The following LIN9 variants were observed in gnomAD, a reference collection of about 807,000 sequenced individuals.
LIN9 encodes the protein protein lin-9 homolog.
A neutral mutation model predicts 78.0 loss-of-function variants in LIN9; 18 were observed. The ratio of observed to expected loss-of-function variants is 0.23; its 90% CI spans 0.16 to 0.34. LIN9 has a LOEUF of 0.34. Ranked by LOEUF, LIN9 falls within the 10% of genes least tolerant of loss-of-function variation. The pLI is 1.00. For missense variants in LIN9, 451 were observed against 644.1 expected, an observed-to-expected ratio of 0.70 and a Z score of 3.25; for synonymous variants, 192 against 215.2, an observed-to-expected ratio of 0.89 and a Z score of 0.94.
At chr1:226,238,632 A>T (rs977736239) in intron 12 of LIN9, among the ~76,000 whole-genome samples, 5 of 152,192 alleles carry the variant, frequency 3.3e-5, no homozygotes, top group South Asian at 2.1e-4. Context: ...TGTCTCAAAA[A>T]AAATAAATAA....
At chr1:226,241,987 G>C (rs1658145605) in intron 11 of LIN9, among the ~76,000 whole-genome samples, 1 of 152,110 alleles carries the variant, frequency 6.6e-6, no homozygotes, top group Non-Finnish European at 1.5e-5. Flanking sequence ...TATTTTTTGA[G>C]CTCCCTTTTT....
chr1:226,261,431 TACAGCAA>T (rs1659585525), intron 10 of LIN9, among the ~76,000 whole-genome samples: 1 of 151,766 alleles, frequency 6.6e-6, no homozygotes, highest in Non-Finnish European at 1.5e-5. Flanking sequence ...AATAAGTGAC[TACAGCAA>T]AGTTGCAGGA....
chr1:226,266,426 G>A (rs959975555), intron 8 of LIN9, 94 bp from the exon 9 acceptor site: 38 of 979,006 alleles, frequency 3.9e-5, no homozygotes, highest in Admixed American at 3.5e-4. Context: ...ATATATTCAC[G>A]CATATTCTAT....
chr1:226,263,450 AGT>A (rs1176067025), intron 10 of LIN9, among the ~76,000 whole-genome samples: 2 of 152,144 alleles, frequency 1.3e-5, no homozygotes, highest in Non-Finnish European at 2.9e-5. Context: ...AAAAAAATAA[AGT>A]GTATTGAATT....
chr1:226,295,988 T>A (rs1443779678), intron 3 of LIN9, 42 bp from the exon 4 acceptor site: 14 of 1,390,918 alleles, frequency 1.0e-5, no homozygotes, highest in Non-Finnish European at 1.4e-5. Context: ...AGCCGAACCC[T>A]CCCATTTTTG....
chr1:226,286,196 C>T, intron 6 of LIN9, 137 bp downstream of exon 6: 3 of 754,400 alleles, frequency 4.0e-6, no homozygotes, highest in Non-Finnish European at 6.2e-6. Context: ...CAGGTGTAAT[C>T]ACAGCATACT....
chr1:226,273,793 C>G (rs561807606), intron 7 of LIN9, among the ~76,000 whole-genome samples: 1 of 151,924 alleles, frequency 6.6e-6, no homozygotes, highest in South Asian at 2.1e-4. Context: ...AGTTTTTGAG[C>G]CACAATGGGC....
At chr1:226,281,750 G>A (rs966957980) in intron 6 of LIN9, among the ~76,000 whole-genome samples, 1 of 150,458 alleles carries the variant, frequency 6.6e-6, no homozygotes, top group East Asian at 1.9e-4. Flanking sequence ...CTGGAGTGCA[G>A]TGGTGTGATC....
intron 12 of LIN9, among the ~76,000 whole-genome samples, chr1:226,234,733 C>CAT (rs1489769892): frequency 6.6e-6 from 1 of 152,048 alleles, no homozygotes; most frequent in Admixed American, 6.6e-5. Flanking sequence ...TCTCAGCAGA[C>CAT]ATATACACTC....
intron 1 of LIN9, among the ~76,000 whole-genome samples, chr1:226,304,239 G>T (rs530972316): frequency 6.6e-6 from 1 of 152,296 alleles, no homozygotes; most frequent in South Asian, 2.1e-4. Flanking sequence ...CTCTAACGAG[G>T]TGTTCATTAA....
At chr1:226,285,260 AC>A (rs944978237) in intron 6 of LIN9, among the ~76,000 whole-genome samples, 19 of 152,180 alleles carry the variant, frequency 1.2e-4, no homozygotes, top group African/African-American at 4.6e-4. Flanking sequence ...GCAAAAAGTC[AC>A]CAAATGGCTA....
chr1:226,263,157 A>AG (rs1558174291), intron 10 of LIN9, among the ~76,000 whole-genome samples: 2 of 152,248 alleles, frequency 1.3e-5, no homozygotes, highest in African/African-American at 4.8e-5. Flanking sequence ...GGTGAAACAC[A>AG]GAAGATTTTT....
rs933426834 is a variant in LIN9 at position 226,232,121 on chromosome 1, G to C, written c.*380C>G. On this transcript the variant is annotated 3_prime_UTR_variant, in exon 15 of 15. Coordinates refer to ENST00000681046, the MANE Select transcript of LIN9 (RefSeq NM_001366245.2). ...ACACTGCCACCGACATGAATAAAAA[G>C]ACCAGGTTTCTTCATACTCTCCATT... is the stretch of plus-strand genomic sequence containing the variant. 2.5e-6 allele frequency: 1 copy of C among 398,734 alleles called. No homozygotes were observed. Among genetic ancestry groups the C allele is most frequent in the African/African-American group, 2.1e-5 (1 of 48,566 alleles). 24.7% of individuals were successfully genotyped at this position (398,734 alleles called of 1,614,324 possible).
At chr1:226,247,528 A>G (rs1658561324) in intron 11 of LIN9, among the ~76,000 whole-genome samples, 1 of 152,186 alleles carries the variant, frequency 6.6e-6, no homozygotes, top group Non-Finnish European at 1.5e-5. Flanking sequence ...CCTTTCAAGA[A>G]TGCCACTTAG....
intron 6 of LIN9, among the ~76,000 whole-genome samples, chr1:226,283,220 G>C (rs985910398): frequency 4.7e-4 from 71 of 151,392 alleles, no homozygotes; most frequent in African/African-American, 1.7e-3. Flanking sequence ...TCAACATCCA[G>C]AGCTCAAGCG....
upstream of LIN9, chr1:226,309,553 C>G (rs1358449989): frequency 1.7e-6 from 2 of 1,180,886 alleles, no homozygotes; most frequent in Non-Finnish European, 2.2e-6. Context: ...AGGGAGGCCC[C>G]GGCGGGGGGA....
intron 11 of LIN9, among the ~76,000 whole-genome samples, chr1:226,239,576 G>T (rs1657969451): frequency 6.6e-6 from 1 of 152,136 alleles, no homozygotes; most frequent in Non-Finnish European, 1.5e-5. Flanking sequence ...TCATCATCTA[G>T]CTGTGTGATG....
chr1:226,256,391 T>C (rs1327368564), intron 10 of LIN9, among the ~76,000 whole-genome samples: 1 of 151,846 alleles, frequency 6.6e-6, no homozygotes, highest in Non-Finnish European at 1.5e-5. Flanking sequence ...CTGCACCCTA[T>C]GAAATTATCA....
chr1:226,250,100 G>A (rs1576290413), intron 11 of LIN9, among the ~76,000 whole-genome samples: 2 of 151,834 alleles, frequency 1.3e-5, no homozygotes, highest in East Asian at 3.9e-4. Flanking sequence ...AACCCGGGAG[G>A]TGGAGGTTGC....
Sources: allele counts gnomAD v4.1 joint callset (sites outside exome capture counted in the v4.1 genomes callset), GRCh38; gene constraint gnomAD v4.1.1; transcripts MANE v1.5; gene names NCBI Gene and HGNC (gene_info 2026-07-23, HGNC 2026-07-21).